Variants in CCDC148 observed in about 807,000 individuals in gnomAD.
The protein encoded by CCDC148 is coiled-coil domain containing 148, also known as coiled-coil domain-containing protein 148.
Under a neutral mutation model 85.7 loss-of-function variants are expected in CCDC148, and 89 were observed. The ratio of observed to expected loss-of-function variants is 1.04; its 90% CI spans 0.87 to 1.24. The LOEUF (loss-of-function observed/expected upper bound fraction) is 1.24, where lower values mean the gene tolerates loss of function less well. Among genes scored for constraint, CCDC148 ranks in the 50% most tolerant of loss-of-function variants. CCDC148 has a pLI of 0.00. For missense variants in CCDC148, 692 were observed against 671.7 expected (o/e 1.03, Z -0.33); for synonymous variants, 230 against 213.9 (o/e 1.08, Z -0.66).
chr2:158,281,529 G>A, intron 9 of CCDC148, among the ~76,000 whole-genome samples: 1 of 152,162 alleles, frequency 6.6e-6, no homozygotes, highest in East Asian at 1.9e-4. Flanking sequence ...AAATCCAGAA[G>A]AAATGGATAA....
chr2:158,423,444 C>G (rs374252080), intron 1 of CCDC148, among the ~76,000 whole-genome samples: 6 of 152,120 alleles, frequency 3.9e-5, no homozygotes, highest in South Asian at 4.1e-4. Flanking sequence ...TTTGACAAAC[C>G]TGACAAAAAC....
At chr2:158,375,451 A>G (rs2356088) in intron 1 of CCDC148, among the ~76,000 whole-genome samples, 61,459 of 151,938 alleles carry the variant, frequency 0.4, 13,120 homozygotes, top group South Asian at 0.61. Flanking sequence ...AAAGAAAACC[A>G]TGAAAGCGAA....
At chr2:158,204,156 T>C (rs1339148470) in intron 11 of CCDC148, among the ~76,000 whole-genome samples, 1 of 152,190 alleles carries the variant, frequency 6.6e-6, no homozygotes, top group Admixed American at 6.5e-5. Flanking sequence ...TGAAGACAGA[T>C]GCAAATTCCA....
At chr2:158,174,669 C>T (rs1684487310) in intron 13 of CCDC148, among the ~76,000 whole-genome samples, 1 of 151,938 alleles carries the variant, frequency 6.6e-6, no homozygotes, top group African/African-American at 2.4e-5. Flanking sequence ...TAGGCTACAG[C>T]CTGTACAGCA....
chr2:158,291,735 G>A (rs1690905321), intron 9 of CCDC148, among the ~76,000 whole-genome samples: 1 of 152,172 alleles, frequency 6.6e-6, no homozygotes, highest in Admixed American at 6.5e-5. Context: ...TGAGATCCCT[G>A]AGGATGAATT....
At chr2:158,447,943 G>C (rs1026129800) in intron 1 of CCDC148, among the ~76,000 whole-genome samples, 7 of 151,940 alleles carry the variant, frequency 4.6e-5, no homozygotes, top group Admixed American at 3.3e-4. Flanking sequence ...TTTTGGTATT[G>C]TATCTAAAGA....
chr2:158,403,173 A>AAATATTTTT (rs1451596987), intron 1 of CCDC148, among the ~76,000 whole-genome samples: 1 of 152,114 alleles, frequency 6.6e-6, no homozygotes, highest in Admixed American at 6.6e-5. Flanking sequence ...AATCTACAAC[A>AAATATTTTT]AATATTTTTT....
intron 1 of CCDC148, among the ~76,000 whole-genome samples, chr2:158,391,210 T>A (rs1685291231): frequency 6.6e-6 from 1 of 152,100 alleles, no homozygotes; most frequent in Admixed American, 6.6e-5. Context: ...AAGGGCAAGC[T>A]CCATTTACTA....
At chr2:158,293,885 T>C (rs1174636839) in intron 9 of CCDC148, among the ~76,000 whole-genome samples, 2 of 150,692 alleles carry the variant, frequency 1.3e-5, no homozygotes, top group Admixed American at 6.6e-5. Context: ...GCATGGCAAG[T>C]ACAAAGAATG....
intron 1 of CCDC148, among the ~76,000 whole-genome samples, chr2:158,415,862 T>C (rs571088430): frequency 2.6e-5 from 4 of 152,318 alleles, no homozygotes; most frequent in African/African-American, 7.2e-5. Flanking sequence ...AGCTCCACTA[T>C]GCAGTGCCCT....
At chr2:158,388,949 G>A (rs1246443193) in intron 1 of CCDC148, among the ~76,000 whole-genome samples, 1 of 152,178 alleles carries the variant, frequency 6.6e-6, no homozygotes, top group Admixed American at 6.5e-5. Flanking sequence ...AGTTGCAGAT[G>A]CCTGAAAACA....
At chr2:158,346,356 TC>T (rs1229986933) in intron 2 of CCDC148, among the ~76,000 whole-genome samples, 1 of 152,212 alleles carries the variant, frequency 6.6e-6, no homozygotes, top group Admixed American at 6.5e-5. Flanking sequence ...CCCCAACTTT[TC>T]TCTGAACAGT....
chr2:158,420,905 T>C (rs1040855684), intron 1 of CCDC148, among the ~76,000 whole-genome samples: 70 of 145,004 alleles, frequency 4.8e-4, no homozygotes, highest in African/African-American at 1.7e-3. Context: ...ACCAAGAAAA[T>C]AGAAAACAAA....
chr2:158,278,664 C>T (rs1448827492), intron 9 of CCDC148, among the ~76,000 whole-genome samples: 1 of 152,280 alleles, frequency 6.6e-6, no homozygotes, highest in African/African-American at 2.4e-5. Flanking sequence ...TCAAGGAGGC[C>T]TGCCTGCCTC....
At chr2:158,362,983 A>G (rs1479690041) in intron 1 of CCDC148, among the ~76,000 whole-genome samples, 1 of 152,238 alleles carries the variant, frequency 6.6e-6, no homozygotes, top group Non-Finnish European at 1.5e-5. Flanking sequence ...GATAAAGGGT[A>G]TATCACCACT....
chr2:158,405,062 G>T (rs1239050815), intron 1 of CCDC148, among the ~76,000 whole-genome samples: 2 of 152,050 alleles, frequency 1.3e-5, no homozygotes, highest in Admixed American at 1.3e-4. Context: ...GTTTTTGAAA[G>T]AAAGGGAGAA....
intron 9 of CCDC148, among the ~76,000 whole-genome samples, chr2:158,263,312 T>C (rs942584244): frequency 2.0e-5 from 3 of 152,052 alleles, no homozygotes; most frequent in African/African-American, 7.2e-5. Context: ...CTGTTCTTTT[T>C]ACCTCCCACG....
At chr2:158,454,860 G>C (rs1688538360) in intron 1 of CCDC148, among the ~76,000 whole-genome samples, 1 of 152,218 alleles carries the variant, frequency 6.6e-6, no homozygotes, top group Non-Finnish European at 1.5e-5. Context: ...TTAATGTTGA[G>C]TGGCAACTTA....
At chr2:158,294,059 TCCTTC>T (rs1691050040) in intron 9 of CCDC148, among the ~76,000 whole-genome samples, 1 of 108,280 alleles carries the variant, frequency 9.2e-6, no homozygotes, top group African/African-American at 3.4e-5. Flanking sequence ...CTTCCTTCCT[TCCTTC>T]CGCCTTGGAA....
Sources: gnomAD v4.1 joint callset for allele counts (sites outside exome capture counted in the v4.1 genomes callset) on GRCh38, gnomAD v4.1.1 for gene constraint, MANE v1.5 for transcripts, NCBI Gene and HGNC (gene_info 2026-07-23, HGNC 2026-07-21) for gene names.